The following PDE1C variants were observed in gnomAD, a reference collection of about 807,000 sequenced individuals.
PDE1C encodes the protein dual specificity calcium/calmodulin-dependent 3',5'-cyclic nucleotide phosphodiesterase 1C.
PDE1C carries 62 observed loss-of-function variants against 93.1 expected under a neutral mutation model. The observed-to-expected ratio is 0.67, with a 90% confidence interval of 0.54 to 0.82. The LOEUF (loss-of-function observed/expected upper bound fraction) is 0.82. PDE1C is among the 40% of genes least tolerant of loss of function. The probability of loss-of-function intolerance (pLI) is 0.00; values close to 1 mark genes in which losing one functional copy is unlikely to be tolerated. For synonymous variants in PDE1C, 325 were observed against 310.1 expected (o/e 1.05, Z -0.50); for missense variants, 742 against 884.6 (o/e 0.84, Z 2.04).
At chr7:31,845,715 G>A (rs1265403924) in intron 9 of PDE1C, among the ~76,000 whole-genome samples, 1 of 152,070 alleles carries the variant, frequency 6.6e-6, no homozygotes, top group Non-Finnish European at 1.5e-5. Context: ...AGGTGGCCAG[G>A]CACAGTGGCT....
At chr7:32,397,971 A>G (rs473916) in intron 1 of PDE1C, among the ~76,000 whole-genome samples, 140,418 of 151,846 alleles carry the variant, frequency 0.92, 65,662 homozygotes, top group East Asian at 1. Context: ...TGGCTAACAC[A>G]GTGACACCCC....
At chr7:32,035,397 G>A (rs1379521156) in intron 2 of PDE1C, among the ~76,000 whole-genome samples, 2 of 152,138 alleles carry the variant, frequency 1.3e-5, no homozygotes, top group African/African-American at 4.8e-5. Context: ...TTGGCCAGAA[G>A]CCCCTCTCAG....
At chr7:31,871,892 A>C (rs1329196324) in intron 6 of PDE1C, among the ~76,000 whole-genome samples, 7 of 152,140 alleles carry the variant, frequency 4.6e-5, no homozygotes, top group African/African-American at 1.7e-4. Flanking sequence ...AAAGAAAGAA[A>C]GAAATCAGTG....
At chr7:32,282,887 C>T (rs754151275) in intron 1 of PDE1C, among the ~76,000 whole-genome samples, 6 of 152,102 alleles carry the variant, frequency 3.9e-5, no homozygotes, top group Non-Finnish European at 4.4e-5. Flanking sequence ...GCCTATATGC[C>T]ATTTTTTACT....
the PDE1C span, chr7:31,707,330 T>C: frequency 6.7e-7 from 1 of 1,501,482 alleles, no homozygotes; most frequent in Non-Finnish European, 9.2e-7. Context: ...ATTGGTTCCC[T>C]GTGGTGACCT....
the PDE1C span, among the ~76,000 whole-genome samples, chr7:31,700,201 A>G: frequency 6.6e-6 from 1 of 152,212 alleles, no homozygotes; most frequent in Non-Finnish European, 1.5e-5. Flanking sequence ...TGTGAATGCA[A>G]AGGAAAAGTT....
At chr7:31,736,005 G>A in the PDE1C span, among the ~76,000 whole-genome samples, 2 of 152,132 alleles carry the variant, frequency 1.3e-5, no homozygotes, top group Admixed American at 6.5e-5. Flanking sequence ...ACACATTCAC[G>A]TGGATTCAAC....
At chr7:32,137,132 G>C (rs551004466) in intron 3 of PDE1C, among the ~76,000 whole-genome samples, 2 of 152,152 alleles carry the variant, frequency 1.3e-5, no homozygotes, top group Non-Finnish European at 2.9e-5. Flanking sequence ...TAAAGTAAAA[G>C]TCTGCTTCAA....
At chr7:31,682,942 A>G in the PDE1C span, among the ~76,000 whole-genome samples, 1 of 152,162 alleles carries the variant, frequency 6.6e-6, no homozygotes, top group Admixed American at 6.5e-5. Flanking sequence ...AATGATAGAG[A>G]GAGAGGACAG....
At chr7:32,102,950 G>C (rs1379985082) in intron 3 of PDE1C, among the ~76,000 whole-genome samples, 1 of 152,168 alleles carries the variant, frequency 6.6e-6, no homozygotes, top group Non-Finnish European at 1.5e-5. Context: ...AGGAGTGCAT[G>C]ACAACCCACA....
intron 2 of PDE1C, among the ~76,000 whole-genome samples, chr7:32,192,932 C>T (rs1231088935): frequency 6.6e-6 from 1 of 152,046 alleles, no homozygotes; most frequent in South Asian, 2.1e-4. Context: ...CATATTTCAC[C>T]TTGTTATATG....
At chr7:32,279,164 T>C (rs1211619396) in intron 1 of PDE1C, among the ~76,000 whole-genome samples, 1 of 152,204 alleles carries the variant, frequency 6.6e-6, no homozygotes, top group Non-Finnish European at 1.5e-5. Context: ...ACAGAGTGTG[T>C]TCAACACTTT....
intron 1 of PDE1C, among the ~76,000 whole-genome samples, chr7:32,336,294 A>G (rs1783623215): frequency 6.6e-6 from 1 of 152,184 alleles, no homozygotes; most frequent in Non-Finnish European, 1.5e-5. Context: ...TCTTCTATAT[A>G]TTATCCAACA....
chr7:31,997,937 A>G (rs1261174444), intron 2 of PDE1C, among the ~76,000 whole-genome samples: 3 of 152,222 alleles, frequency 2.0e-5, no homozygotes, highest in Non-Finnish European at 4.4e-5. Context: ...CCCTTACTTT[A>G]AAAACTACCA....
intron 1 of PDE1C, among the ~76,000 whole-genome samples, chr7:32,264,141 C>T (rs886235229): frequency 1.6e-4 from 24 of 152,168 alleles, no homozygotes; most frequent in African/African-American, 5.5e-4. Flanking sequence ...CTACAGGTCA[C>T]TAGGGTGCTG....
At chr7:31,837,794 T>G in intron 10 of PDE1C, 76 bp downstream of exon 10, 1 of 903,850 alleles carries the variant, frequency 1.1e-6, no homozygotes. Flanking sequence ...AGATGCTCTT[T>G]AAAGGGATAG....
At chr7:31,629,871 C>T in the PDE1C span, among the ~76,000 whole-genome samples, 3 of 152,030 alleles carry the variant, frequency 2.0e-5, no homozygotes, top group African/African-American at 4.8e-5. Context: ...TGTACACCAG[C>T]GTACTGAATT....
At chr7:31,833,052 G>A (rs7793287) in intron 11 of PDE1C, among the ~76,000 whole-genome samples, 1 of 151,970 alleles carries the variant, frequency 6.6e-6, no homozygotes, top group Admixed American at 6.6e-5. Context: ...AAGGGAGCCC[G>A]TGGGAGATAA....
In PDE1C at chr7:32,341,173, C is replaced by CTTTTTTTTTTTT. The variant is rs3079623; in HGVS notation, c.310+86637_310+86648dup. Among the ~76,000 whole-genome samples the CTTTTTTTTTTTT allele has an allele frequency of 2.0e-3, 166 of 84,944 alleles. 13 individuals are homozygous for CTTTTTTTTTTTT. The highest frequency in any genetic ancestry group is 3.6e-3 in the South Asian group (6 of 1,664). The allele number at this position is 84,944 out of a possible 152,430, so 55.7% of individuals were successfully genotyped here. ...CCTAAAACTACTCTAGAAATAAAGT[C>CTTTTTTTTTTTT]TTTTTTTTTTTTTTTTTTTTGAGAC... On this transcript the variant is annotated intron_variant, in intron 1 of 1. Coordinates refer to the PDE1C transcript ENST00000672256.
Sources: allele counts gnomAD v4.1 joint callset (sites outside exome capture counted in the v4.1 genomes callset), GRCh38; gene constraint gnomAD v4.1.1; transcripts MANE v1.5; gene names NCBI Gene and HGNC (gene_info 2026-07-23, HGNC 2026-07-21).